Variants in AUTS2 observed in about 807,000 individuals in gnomAD.
The protein encoded by AUTS2 is autism susceptibility gene 2 protein.
In AUTS2, 17 loss-of-function variants were observed where a neutral mutation model predicts 112.4. The observed-to-expected ratio is 0.15, with a 90% CI of 0.10 to 0.23. The LOEUF (loss-of-function observed/expected upper bound fraction) is 0.23, where lower values mean the gene tolerates loss of function less well. Among genes scored for constraint, AUTS2 ranks in the 10% least tolerant of loss-of-function variants. The pLI is 1.00. For synonymous variants in AUTS2, 751 were observed against 702.7 expected (o/e 1.07, Z -1.09); for missense variants, 1,510 against 1,701.6 (o/e 0.89, Z 1.98).
At chr7:70,733,584 G>A (rs994454607) in intron 6 of AUTS2, among the ~76,000 whole-genome samples, 10 of 123,824 alleles carry the variant, frequency 8.1e-5, no homozygotes, top group East Asian at 5.4e-4. Context: ...ATTTTTCTAC[G>A]TTAGTTTTTT....
rs189023281 is a variant in AUTS2 at position 70,674,077 on chromosome 7, C to T, written c.691-24492C>T. On this transcript the variant is annotated intron_variant, in intron 5 of 18. Coordinates refer to ENST00000342771, the MANE Select transcript of AUTS2 (RefSeq NM_015570.4). ...AGAGCACATGCTCTTCCCACTGGGC[C>T]GCATTACCTGGAGTCACTAAGGCCT... Among the ~76,000 whole-genome samples, 567 of 152,242 alleles carry T rather than the reference C, an allele frequency of 3.7e-3. 2 individuals are homozygous for T. The highest frequency in any genetic ancestry group is 0.013 in the African/African-American group (538 of 41,526).
At chr7:70,775,242 A>G in intron 12 of AUTS2, 115 bp from the exon 13 acceptor site, 1 of 943,198 alleles carries the variant, frequency 1.1e-6, no homozygotes. Flanking sequence ...GCTTCATTTA[A>G]AAGTAAAATT....
At chr7:69,697,967 C>T (rs1238256377) in intron 1 of AUTS2, among the ~76,000 whole-genome samples, 1 of 152,138 alleles carries the variant, frequency 6.6e-6, no homozygotes, top group East Asian at 1.9e-4. Context: ...GATTATGGCT[C>T]TGCTGATTAA....
intron 5 of AUTS2, among the ~76,000 whole-genome samples, chr7:70,620,608 C>T (rs542968379): frequency 1.3e-5 from 2 of 152,238 alleles, no homozygotes; most frequent in African/African-American, 2.4e-5. Context: ...TGACCCTTAG[C>T]GCCCTCAGGT....
At chr7:69,909,712 A>C (rs146063831) in intron 2 of AUTS2, among the ~76,000 whole-genome samples, 99 of 152,318 alleles carry the variant, frequency 6.5e-4, no homozygotes, top group Admixed American at 6.2e-3. Flanking sequence ...AAACAGAATA[A>C]AAATTCTCAT....
At chr7:70,720,318 TG>T (rs1448402734) in intron 6 of AUTS2, among the ~76,000 whole-genome samples, 1 of 152,114 alleles carries the variant, frequency 6.6e-6, no homozygotes, top group African/African-American at 2.4e-5. Context: ...GTACACCCGC[TG>T]CCTCGGGGAA....
At chr7:69,929,644 A>G (rs1297823347) in intron 2 of AUTS2, among the ~76,000 whole-genome samples, 1 of 152,108 alleles carries the variant, frequency 6.6e-6, no homozygotes, top group Non-Finnish European at 1.5e-5. Context: ...TGTTAGTCCT[A>G]TTCAATGTGT....
At chr7:70,535,066 G>GTTAAGAGTTGT (rs1800262547) in intron 5 of AUTS2, among the ~76,000 whole-genome samples, 1 of 150,348 alleles carries the variant, frequency 6.7e-6, no homozygotes, top group Non-Finnish European at 1.5e-5. Context: ...TAATGTACTG[G>GTTAAGAGTTGT]TTAAGAGTTG....
intron 6 of AUTS2, among the ~76,000 whole-genome samples, chr7:70,733,462 T>C (rs1038557820): frequency 1.3e-5 from 2 of 152,168 alleles, no homozygotes; most frequent in Non-Finnish European, 2.9e-5. Context: ...ATTTCAAACA[T>C]ACAGAAAAGT....
intron 2 of AUTS2, among the ~76,000 whole-genome samples, chr7:69,962,523 A>G (rs779077695): frequency 3.9e-5 from 6 of 152,156 alleles, no homozygotes; most frequent in African/African-American, 1.4e-4. Context: ...TTTGTTTACA[A>G]TTCAGCTCTA....
intron 4 of AUTS2, among the ~76,000 whole-genome samples, chr7:70,237,729 A>G (rs1812401427): frequency 6.6e-6 from 1 of 152,216 alleles, no homozygotes; most frequent in African/African-American, 2.4e-5. Flanking sequence ...TGGAGTGAAT[A>G]ATTAAAATTA....
At chr7:70,338,833 C>CTTAT (rs60351906) in intron 4 of AUTS2, among the ~76,000 whole-genome samples, 53,186 of 139,742 alleles carry the variant, frequency 0.38, 10,688 homozygotes, top group South Asian at 0.46. Context: ...AGCCTCATCT[C>CTTAT]TTATTTATTT....
intron 2 of AUTS2, among the ~76,000 whole-genome samples, chr7:70,068,167 A>AT (rs1037976657): frequency 2.9e-4 from 43 of 147,582 alleles, no homozygotes; most frequent in East Asian, 6.0e-4. Context: ...ACATAAGTAG[A>AT]TTTTTTTTTT....
intron 2 of AUTS2, among the ~76,000 whole-genome samples, chr7:70,046,469 A>G (rs1024450100): frequency 2.6e-5 from 4 of 152,214 alleles, no homozygotes; most frequent in African/African-American, 9.6e-5. Context: ...TCTTGTTAAA[A>G]TACGTACAAC....
chr7:70,588,327 CTCTT>C (rs1802779259), intron 5 of AUTS2, among the ~76,000 whole-genome samples: 1 of 152,166 alleles, frequency 6.6e-6, no homozygotes, highest in Non-Finnish European at 1.5e-5. Context: ...AAAAATCAGA[CTCTT>C]TCCTGCCCTG....
chr7:70,270,975 G>T (rs1177627113), intron 4 of AUTS2, among the ~76,000 whole-genome samples: 1 of 152,082 alleles, frequency 6.6e-6, no homozygotes, highest in Non-Finnish European at 1.5e-5. Context: ...CCTCGTGCTT[G>T]CAGAGGAGAG....
At position 69,764,763 on chromosome 7, in the gene AUTS2, G is replaced by A. The variant is rs145785346; in HGVS notation, c.310-134523G>A. Among the ~76,000 whole-genome samples the A allele has an allele frequency of 9.6e-4, 146 of 152,316 alleles. 1 individual carries two copies. The highest frequency in any genetic ancestry group is 3.4e-3 in the African/African-American group (142 of 41,556). On this transcript the variant is annotated intron_variant, in intron 1 of 18. Coordinates refer to ENST00000342771, the MANE Select transcript of AUTS2 (RefSeq NM_015570.4). ...TATTAGCAAGAGAAGTATATGAGAAGCATGTGGTTGTGGGATGCCATTATC... is the reference window on the plus strand; with the variant it reads ...TATTAGCAAGAGAAGTATATGAGAAACATGTGGTTGTGGGATGCCATTATC...
chr7:70,196,172 T>C (rs1351846029), intron 4 of AUTS2, among the ~76,000 whole-genome samples: 3 of 152,198 alleles, frequency 2.0e-5, no homozygotes, highest in Non-Finnish European at 4.4e-5. Context: ...GCCTATTAGT[T>C]AGAAGCAATG....
intron 4 of AUTS2, among the ~76,000 whole-genome samples, chr7:70,410,398 TTTTATTTATTTATTTATTTATTTA>T (rs10631565): frequency 6.4e-5 from 9 of 140,766 alleles, no homozygotes; most frequent in Non-Finnish European, 1.2e-4. Context: ...AGGGTTTGTC[TTTTATTTATTTATTTATTTATTTA>T]TTTATTTATT....
Sources: gnomAD v4.1 joint callset for allele counts (sites outside exome capture counted in the v4.1 genomes callset) on GRCh38, gnomAD v4.1.1 for gene constraint, MANE v1.5 for transcripts, NCBI Gene and HGNC (gene_info 2026-07-23, HGNC 2026-07-21) for gene names.